Variants in SFMBT1 observed in about 807,000 individuals in gnomAD.
SFMBT1 encodes the protein scm-like with four MBT domains protein 1.
SFMBT1 carries 32 observed loss-of-function variants against 108.7 expected under a neutral mutation model. The ratio of observed to expected loss-of-function variants is 0.29; its 90% CI spans 0.22 to 0.40. The LOEUF (loss-of-function observed/expected upper bound fraction) is 0.40, where lower values mean the gene tolerates loss of function less well. Ranked by LOEUF, SFMBT1 falls within the 10% of genes least tolerant of loss-of-function variation. The pLI is 1.00. For synonymous variants in SFMBT1, 348 were observed against 369.5 expected, an observed-to-expected ratio of 0.94 and a Z score of 0.67; for missense variants, 816 against 1,059.6, an observed-to-expected ratio of 0.77 and a Z score of 3.19.
intron 2 of SFMBT1, among the ~76,000 whole-genome samples, chr3:52,964,691 T>TG (rs1704074260): frequency 2.0e-5 from 3 of 151,946 alleles, no homozygotes; most frequent in Non-Finnish European, 4.4e-5. Context: ...ATTGCAAGTT[T>TG]GGGGGGCAGG....
intron 16 of SFMBT1, 25 bp from the exon 17 acceptor site, chr3:52,911,203 C>A: frequency 6.4e-7 from 1 of 1,573,746 alleles, no homozygotes; most frequent in Admixed American, 1.9e-5. Flanking sequence ...CATCAGATGC[C>A]AAATATATTG....
At chr3:52,965,697 C>T (rs2106852335) in intron 2 of SFMBT1, among the ~76,000 whole-genome samples, 1 of 152,186 alleles carries the variant, frequency 6.6e-6, no homozygotes, top group South Asian at 2.1e-4. Context: ...TCTGTCACTA[C>T]TAGACCTCCT....
At chr3:52,959,339 C>G (rs888137992) in intron 2 of SFMBT1, among the ~76,000 whole-genome samples, 1 of 152,186 alleles carries the variant, frequency 6.6e-6, no homozygotes, top group Non-Finnish European at 1.5e-5. Context: ...CTGGCTATCT[C>G]TAGTCCAAGG....
chr3:52,960,457 A>G (rs140832681), intron 2 of SFMBT1, among the ~76,000 whole-genome samples: 1 of 152,358 alleles, frequency 6.6e-6, no homozygotes, highest in Non-Finnish European at 1.5e-5. Flanking sequence ...CATTTCACAC[A>G]TATTAGAATA....
At chr3:52,954,985 G>A (rs1244595031) in intron 2 of SFMBT1, among the ~76,000 whole-genome samples, 7 of 151,722 alleles carry the variant, frequency 4.6e-5, no homozygotes, top group South Asian at 2.1e-4. Flanking sequence ...ATCTCCTAAC[G>A]TCACGACTAA....
chr3:52,971,358 C>T (rs1309555039), intron 1 of SFMBT1, among the ~76,000 whole-genome samples: 1 of 152,084 alleles, frequency 6.6e-6, no homozygotes, highest in Non-Finnish European at 1.5e-5. Flanking sequence ...AGATAAATGC[C>T]AATTATCCCA....
intron 1 of SFMBT1, among the ~76,000 whole-genome samples, chr3:53,035,917 G>A (rs1242909660): frequency 6.6e-6 from 1 of 152,164 alleles, no homozygotes; most frequent in Non-Finnish European, 1.5e-5. Context: ...ATTTTGAAAG[G>A]AGCCCTTCAG....
chr3:52,945,632 C>A (rs1041939016), intron 3 of SFMBT1, among the ~76,000 whole-genome samples: 6 of 133,362 alleles, frequency 4.5e-5, no homozygotes, highest in African/African-American at 1.3e-4. Context: ...ACAGTGAAAC[C>A]GTCTCTACTA....
intron 5 of SFMBT1, among the ~76,000 whole-genome samples, chr3:52,932,829 T>C (rs1161571490): frequency 2.0e-5 from 3 of 152,132 alleles, no homozygotes; most frequent in Admixed American, 1.3e-4. Flanking sequence ...AAGAATCACT[T>C]GAACCCAGGA....
At chr3:52,951,018 G>A (rs1048644936) in intron 3 of SFMBT1, among the ~76,000 whole-genome samples, 1 of 150,688 alleles carries the variant, frequency 6.6e-6, no homozygotes, top group South Asian at 2.1e-4. Context: ...CAGCTACTCT[G>A]GAGGCTGAGG....
At chr3:52,998,891 G>A (rs1358092385) in intron 1 of SFMBT1, among the ~76,000 whole-genome samples, 2 of 150,608 alleles carry the variant, frequency 1.3e-5, no homozygotes, top group Admixed American at 6.7e-5. Context: ...GCTGTTGATC[G>A]CCTGGCTGTT....
chr3:52,926,379 C>A (rs1702659857), intron 9 of SFMBT1, among the ~76,000 whole-genome samples: 1 of 152,124 alleles, frequency 6.6e-6, no homozygotes, highest in African/African-American at 2.4e-5. Context: ...TTATTTTGAG[C>A]ACTATTTTAT....
At chr3:52,932,956 T>A (rs561277406) in intron 5 of SFMBT1, among the ~76,000 whole-genome samples, 1 of 152,074 alleles carries the variant, frequency 6.6e-6, no homozygotes, top group South Asian at 2.1e-4. Flanking sequence ...CAAAATACCA[T>A]CATCATCATT....
intron 8 of SFMBT1, among the ~76,000 whole-genome samples, chr3:52,929,731 C>T (rs1456156528): frequency 6.6e-6 from 1 of 152,216 alleles, no homozygotes; most frequent in Non-Finnish European, 1.5e-5. Flanking sequence ...CCTCTAGTCA[C>T]ATTCAACTTT....
At chr3:52,998,651 A>ACTGGTTCTGCTCGTGCCACG (rs1458870753) in intron 1 of SFMBT1, among the ~76,000 whole-genome samples, 1 of 150,378 alleles carries the variant, frequency 6.6e-6, no homozygotes, top group East Asian at 2.0e-4. Flanking sequence ...GGGCCAATGG[A>ACTGGTTCTGCTCGTGCCACG]CTGGTTCTGC....
chr3:53,033,378 C>G (rs1354331228), intron 1 of SFMBT1, among the ~76,000 whole-genome samples: 3 of 152,058 alleles, frequency 2.0e-5, no homozygotes, highest in African/African-American at 7.2e-5. Context: ...CCAGGCTGGT[C>G]TCAAATGCCT....
At chr3:52,990,693 G>A (rs143424099) in intron 1 of SFMBT1, among the ~76,000 whole-genome samples, 2 of 151,852 alleles carry the variant, frequency 1.3e-5, no homozygotes, top group Non-Finnish European at 2.9e-5. Context: ...GAGAGAAGAA[G>A]GAAAGAAGGA....
At chr3:52,983,705 C>G (rs1704805343) in intron 1 of SFMBT1, among the ~76,000 whole-genome samples, 1 of 152,140 alleles carries the variant, frequency 6.6e-6, no homozygotes, top group African/African-American at 2.4e-5. Flanking sequence ...AGAGCAAAGT[C>G]TCTGAAGTGG....
rs545569421 is a variant in SFMBT1, at chr3:52,950,495, G to A, written c.123+3822C>T. On this transcript the variant is annotated intron_variant, in intron 3 of 20. Coordinates refer to ENST00000394752, the MANE Select transcript of SFMBT1 (RefSeq NM_016329.4). ...ATTACTTTTTTTGTTTGTGTTTTGA[G>A]ATGGAGTCTCGCTCTGTTGCCCAGG... Among the ~76,000 whole-genome samples the A allele has an allele frequency of 1.6e-3, 238 of 152,180 alleles. 1 individual carries two copies. Among genetic ancestry groups the A allele is most frequent in the African/African-American group, 5.5e-3 (229 of 41,514 alleles).
Sources: allele counts gnomAD v4.1 joint callset (sites outside exome capture counted in the v4.1 genomes callset), GRCh38; gene constraint gnomAD v4.1.1; transcripts MANE v1.5; gene names NCBI Gene and HGNC (gene_info 2026-07-23, HGNC 2026-07-21).